The following PCDH9 variants were observed in gnomAD, a reference collection of about 807,000 sequenced individuals.
PCDH9 encodes protocadherin 9.
A neutral mutation model predicts 70.6 loss-of-function variants in PCDH9; 24 were observed. That is an observed-to-expected ratio of 0.34 (90% CI 0.25 to 0.48). The LOEUF is 0.48. PCDH9 is among the 20% of genes least tolerant of loss of function. The pLI, the probability that PCDH9 is intolerant of heterozygous loss-of-function variation, is 0.99. For missense variants in PCDH9, 1,281 were observed against 1,503.6 expected (o/e 0.85, Z 2.45); for synonymous variants, 562 against 558.5 (o/e 1.01, Z -0.09).
At chr13:66,550,312 C>A (rs1472837618) in intron 4 of PCDH9, among the ~76,000 whole-genome samples, 1 of 152,024 alleles carries the variant, frequency 6.6e-6, no homozygotes, top group East Asian at 1.9e-4. Flanking sequence ...GTATTTATAT[C>A]AAAAATTATA....
chr13:66,754,996 T>C (rs979701842), intron 3 of PCDH9, among the ~76,000 whole-genome samples: 2 of 152,192 alleles, frequency 1.3e-5, no homozygotes, highest in Non-Finnish European at 1.5e-5. Context: ...GAATTTGAGA[T>C]AAATTACTTA....
intron 2 of PCDH9, among the ~76,000 whole-genome samples, chr13:67,055,971 A>G (rs1287532450): frequency 1.3e-5 from 2 of 152,142 alleles, no homozygotes; most frequent in Non-Finnish European, 2.9e-5. Flanking sequence ...TGGGCAACAT[A>G]GTGAAACCCC....
At chr13:66,551,128 C>T (rs1478558704) in intron 4 of PCDH9, among the ~76,000 whole-genome samples, 1 of 152,028 alleles carries the variant, frequency 6.6e-6, no homozygotes, top group Non-Finnish European at 1.5e-5. Context: ...CTAACAAATA[C>T]TTTATTTTTT....
At chr13:66,433,251 A>G (rs966379288) in intron 4 of PCDH9, among the ~76,000 whole-genome samples, 2 of 152,008 alleles carry the variant, frequency 1.3e-5, no homozygotes, top group African/African-American at 4.8e-5. Context: ...AATAAACATT[A>G]ACTATTAGTT....
chr13:66,538,264 C>A (rs1960790156), intron 4 of PCDH9, among the ~76,000 whole-genome samples: 1 of 152,102 alleles, frequency 6.6e-6, no homozygotes, highest in Non-Finnish European at 1.5e-5. Flanking sequence ...GGGGAAACAT[C>A]TACAAAAATA....
intron 2 of PCDH9, among the ~76,000 whole-genome samples, chr13:66,994,930 T>C (rs192432337): frequency 9.8e-5 from 15 of 152,308 alleles, no homozygotes; most frequent in Admixed American, 8.5e-4. Flanking sequence ...CTAAAACCTT[T>C]TAAACGGGCT....
intron 3 of PCDH9, among the ~76,000 whole-genome samples, chr13:66,700,132 A>AACTAGTGCCG (rs1192028768): frequency 2.6e-5 from 4 of 152,040 alleles, no homozygotes; most frequent in African/African-American, 9.7e-5. Flanking sequence ...CACCTACTGT[A>AACTAGTGCCG]GCAAACCCCG....
At chr13:67,056,302 T>C (rs190699021) in intron 2 of PCDH9, among the ~76,000 whole-genome samples, 7 of 152,294 alleles carry the variant, frequency 4.6e-5, no homozygotes, top group Non-Finnish European at 8.8e-5. Context: ...GATCACTCCA[T>C]CTATTCTATT....
chr13:66,484,919 T>C (rs142796781), intron 4 of PCDH9, among the ~76,000 whole-genome samples: 2 of 152,356 alleles, frequency 1.3e-5, no homozygotes, highest in East Asian at 3.9e-4. Flanking sequence ...CAAATATTTG[T>C]TATGAAATAA....
At chr13:66,396,109 T>C (rs1182109112) in intron 4 of PCDH9, among the ~76,000 whole-genome samples, 1 of 152,158 alleles carries the variant, frequency 6.6e-6, no homozygotes, top group Middle Eastern at 3.2e-3. Flanking sequence ...GGCTTGAAGT[T>C]AGTATAATCA....
chr13:66,788,357 A>C (rs533326791), intron 3 of PCDH9, among the ~76,000 whole-genome samples: 1 of 152,308 alleles, frequency 6.6e-6, no homozygotes, highest in African/African-American at 2.4e-5. Context: ...CATGAATTTC[A>C]AAGGGGATAC....
At chr13:67,092,095 T>G (rs1196266399) in intron 2 of PCDH9, among the ~76,000 whole-genome samples, 1 of 152,168 alleles carries the variant, frequency 6.6e-6, no homozygotes, top group East Asian at 1.9e-4. Context: ...TATGCTAATA[T>G]TTGAGTTTTA....
At chr13:66,575,886 T>C (rs185070826) in intron 4 of PCDH9, among the ~76,000 whole-genome samples, 44 of 152,214 alleles carry the variant, frequency 2.9e-4, no homozygotes, top group Non-Finnish European at 3.7e-4. Context: ...GTCTCTCCAA[T>C]ACTCAGTACA....
chr13:66,900,476 G>A (rs1344074669), intron 3 of PCDH9, among the ~76,000 whole-genome samples: 1 of 151,824 alleles, frequency 6.6e-6, no homozygotes, highest in African/African-American at 2.4e-5. Context: ...TAAAATTGTA[G>A]CATGTTTATA....
At chr13:66,515,842 C>G (rs934030379) in intron 4 of PCDH9, among the ~76,000 whole-genome samples, 37 of 151,916 alleles carry the variant, frequency 2.4e-4, no homozygotes, top group African/African-American at 8.4e-4. Context: ...ATTTAGAAAG[C>G]TTTCTCAAGT....
intron 2 of PCDH9, among the ~76,000 whole-genome samples, chr13:67,028,933 C>T (rs2084848184): frequency 1.3e-5 from 2 of 152,120 alleles, no homozygotes; most frequent in East Asian, 1.9e-4. Context: ...AAAAAGAGTT[C>T]TGGCAAAATC....
chr13:66,385,941 CA>C (rs1202831232), intron 4 of PCDH9, among the ~76,000 whole-genome samples: 1 of 147,798 alleles, frequency 6.8e-6, no homozygotes, highest in Non-Finnish European at 1.5e-5. Context: ...TTTAACGTAG[CA>C]AAAGAACACA....
chr13:66,794,367 T>A (rs1308611801), intron 3 of PCDH9, among the ~76,000 whole-genome samples: 1 of 152,040 alleles, frequency 6.6e-6, no homozygotes, highest in East Asian at 1.9e-4. Context: ...ACACACCAAT[T>A]TAGATTTTCA....
chr13:67,078,236 C>T (rs1282744592), intron 2 of PCDH9, among the ~76,000 whole-genome samples: 1 of 152,150 alleles, frequency 6.6e-6, no homozygotes, highest in Non-Finnish European at 1.5e-5. Flanking sequence ...GGAATTCGTG[C>T]TGGTACCGTG....
Sources: allele counts gnomAD v4.1 joint callset (sites outside exome capture counted in the v4.1 genomes callset), GRCh38; gene constraint gnomAD v4.1.1; transcripts MANE v1.5; gene names NCBI Gene and HGNC (gene_info 2026-07-23, HGNC 2026-07-21).